DMXL1: variants seen among roughly 807,000 people sequenced by gnomAD.
DMXL1 encodes the protein Dmx like 1.
In DMXL1, 99 loss-of-function variants were observed where a neutral mutation model predicts 319.2. The ratio of observed to expected loss-of-function variants is 0.31; its 90% CI spans 0.26 to 0.37. The LOEUF is 0.37. Among genes scored for constraint, DMXL1 ranks in the 10% least tolerant of loss-of-function variants. DMXL1 has a pLI of 1.00. For synonymous variants in DMXL1, 1,385 were observed against 1,235.2 expected (o/e 1.12, Z -2.54); for missense variants, 3,745 against 3,595.6 (o/e 1.04, Z -1.06).
intron 34 of DMXL1, among the ~76,000 whole-genome samples, chr5:119,216,180 T>G (rs1273003976): frequency 1.4e-4 from 21 of 148,894 alleles, no homozygotes; most frequent in Non-Finnish European, 3.1e-4. Context: ...TTTAATTGCC[T>G]CCTCTTTTCT....
intron 5 of DMXL1, among the ~76,000 whole-genome samples, chr5:119,114,202 C>T (rs1452410283): frequency 6.6e-6 from 1 of 152,188 alleles, no homozygotes; most frequent in Non-Finnish European, 1.5e-5. Flanking sequence ...TGAAACCATT[C>T]TCTCTCATTC....
intron 21 of DMXL1, 150 bp downstream of exon 21, chr5:119,165,430 A>T: frequency 1.9e-6 from 1 of 530,796 alleles, no homozygotes; most frequent in East Asian, 3.1e-5. Flanking sequence ...TTTCGTAAGG[A>T]AAAAGCCCCA....
At chr5:119,199,233 C>A (rs1293437806) in intron 32 of DMXL1, among the ~76,000 whole-genome samples, 1 of 152,088 alleles carries the variant, frequency 6.6e-6, no homozygotes, top group Non-Finnish European at 1.5e-5. Flanking sequence ...CCACTTCCCC[C>A]TCAAGTAGAC....
chr5:119,238,400 CA>C (rs1788142106), intron 40 of DMXL1, among the ~76,000 whole-genome samples: 1 of 151,904 alleles, frequency 6.6e-6, no homozygotes. Flanking sequence ...GAAGAAACCT[CA>C]TAATTAAGTG....
At chr5:119,173,774 G>A (rs1343791314) in intron 25 of DMXL1, among the ~76,000 whole-genome samples, 1,562 of 33,442 alleles carry the variant, frequency 0.047, 54 homozygotes, top group South Asian at 0.096. Context: ...ATATGTGTGT[G>A]TGTATATATA....
intron 31 of DMXL1, among the ~76,000 whole-genome samples, chr5:119,197,408 G>T (rs73244806): frequency 6.6e-6 from 1 of 152,138 alleles, no homozygotes; most frequent in Non-Finnish European, 1.5e-5. Flanking sequence ...TGTCTGGGCC[G>T]CATGCAGCCT....
At chr5:119,139,855 T>C (rs991165102) in intron 13 of DMXL1, among the ~76,000 whole-genome samples, 1 of 152,102 alleles carries the variant, frequency 6.6e-6, no homozygotes, top group Non-Finnish European at 1.5e-5. Context: ...TACTCTAAAT[T>C]GGACCACATA....
intron 41 of DMXL1, among the ~76,000 whole-genome samples, chr5:119,240,214 A>G (rs947040421): frequency 2.6e-5 from 4 of 152,230 alleles, no homozygotes; most frequent in Non-Finnish European, 4.4e-5. Flanking sequence ...TCGAGGCTGC[A>G]GTGAGCCAAG....
chr5:119,175,894 C>A (rs1775702180), intron 26 of DMXL1, among the ~76,000 whole-genome samples: 1 of 152,018 alleles, frequency 6.6e-6, no homozygotes, highest in Non-Finnish European at 1.5e-5. Flanking sequence ...TGGGGTCTTT[C>A]TATATCTATC....
chr5:119,116,588 G>C (rs1024155853), intron 7 of DMXL1, among the ~76,000 whole-genome samples: 1 of 152,164 alleles, frequency 6.6e-6, no homozygotes, highest in African/African-American at 2.4e-5. Flanking sequence ...TTAAGTCACA[G>C]AGTTGTACAT....
chr5:119,085,728 G>A (rs896580358), intron 1 of DMXL1, among the ~76,000 whole-genome samples: 1 of 152,028 alleles, frequency 6.6e-6, no homozygotes, highest in Non-Finnish European at 1.5e-5. Context: ...GTACTATACT[G>A]AATAAAAGTG....
rs968072640 is a variant in DMXL1, at chr5:119,116,461, A to G, written c.743+125A>G. ...CTGAGCCTATGAAGATTAGAGTAAT[A>G]TTAAATCGTCTCTGGCCTGCACATC... On this transcript the variant is annotated intron_variant, in intron 7 of 43. Transcript: ENST00000539542. 15 of 1,051,328 alleles carry G rather than the reference A, an allele frequency of 1.4e-5. No homozygotes were observed. The East Asian group carries it at 3.4e-4, about 24-fold the overall frequency. 65.1% of individuals were successfully genotyped at this position (1,051,328 alleles called of 1,614,324 possible). A position where few individuals can be genotyped will look rare whatever the true frequency, so the allele number is the denominator to read the frequency against.
chr5:119,171,680 A>C, intron 24 of DMXL1, 98 bp from the exon 25 acceptor site: 1 of 899,770 alleles, frequency 1.1e-6, no homozygotes, highest in Non-Finnish European at 1.6e-6. Context: ...TTTATTTTTT[A>C]ATTGTTTTGA....
At chr5:119,200,836 A>G (rs1395953566) in intron 32 of DMXL1, among the ~76,000 whole-genome samples, 3 of 152,080 alleles carry the variant, frequency 2.0e-5, no homozygotes, top group African/African-American at 7.2e-5. Flanking sequence ...GCAGTTGTGA[A>G]TGGGGCTGCC....
At chr5:119,126,452 A>G (rs917944060) in intron 9 of DMXL1, among the ~76,000 whole-genome samples, 11 of 152,230 alleles carry the variant, frequency 7.2e-5, no homozygotes, top group Non-Finnish European at 1.6e-4. Flanking sequence ...TCATACCACC[A>G]GGACATGACT....
intron 29 of DMXL1, among the ~76,000 whole-genome samples, chr5:119,190,523 C>T (rs183544318): frequency 4.9e-4 from 74 of 152,294 alleles, no homozygotes; most frequent in African/African-American, 1.7e-3. Flanking sequence ...TGTTTTGCTT[C>T]ATCTCCTGTG....
At chr5:119,245,687 G>C (rs1284115431) in intron 43 of DMXL1, among the ~76,000 whole-genome samples, 1 of 151,838 alleles carries the variant, frequency 6.6e-6, no homozygotes, top group African/African-American at 2.4e-5. Context: ...CTACAGGCGT[G>C]CGCCACTACA....
intron 5 of DMXL1, among the ~76,000 whole-genome samples, chr5:119,113,564 G>A (rs1463312569): frequency 6.6e-6 from 1 of 152,134 alleles, no homozygotes; most frequent in African/African-American, 2.4e-5. Flanking sequence ...TTTAGTGGGT[G>A]ATAAGTGTGA....
intron 9 of DMXL1, among the ~76,000 whole-genome samples, chr5:119,123,389 G>C (rs1364634769): frequency 1.0e-5 from 1 of 98,724 alleles, no homozygotes; most frequent in Non-Finnish European, 2.2e-5. Context: ...GGGAGAGGAG[G>C]GAGAGGAGGG....
Sources: gnomAD v4.1 joint callset for allele counts (sites outside exome capture counted in the v4.1 genomes callset) on GRCh38, gnomAD v4.1.1 for gene constraint, MANE v1.5 for transcripts, NCBI Gene and HGNC (gene_info 2026-07-23, HGNC 2026-07-21) for gene names.